The following SYF2 variants were observed in gnomAD, a reference collection of about 807,000 sequenced individuals.
The protein encoded by SYF2 is SYF2 pre-mRNA splicing factor, also known as pre-mRNA-splicing factor SYF2.
A neutral mutation model predicts 32.7 loss-of-function variants in SYF2; 21 were observed. The observed-to-expected ratio is 0.64, with a 90% confidence interval of 0.45 to 0.92. The LOEUF (loss-of-function observed/expected upper bound fraction) is 0.92. SYF2 is among the 40% of genes least tolerant of loss of function. SYF2 has a pLI of 0.00. For synonymous variants in SYF2, 114 were observed against 103.9 expected (o/e 1.10, Z -0.59); for missense variants, 278 against 296.5 (o/e 0.94, Z 0.46).
chr1:25,229,747 CCTGGG>C (rs1557471296), intron 2 of SYF2, among the ~76,000 whole-genome samples: 16 of 151,364 alleles, frequency 1.1e-4, no homozygotes, highest in African/African-American at 3.9e-4. Flanking sequence ...TGCACTACAG[CCTGGG>C]TGACAGAGCG....
chr1:25,229,077 T>C lies in SYF2; in HGVS notation c.179A>G (p.Lys60Arg). ...CCAATTTGCAGGTAATTTTAGTCTT[T>C]TATCTTCTTCCACAACTTCCTGGTG... ...LNHQEVVEED[K>R]RLKLPANWEA... Residue 60 changes from lysine (K) to arginine (R), a missense_variant, in exon 3 of 7, where the codon AAA becomes AGA. By Grantham distance (26) the Lys-to-Arg change is conservative. Transcript: ENST00000236273. 1 of 1,614,104 alleles carries C rather than the reference T, an allele frequency of 6.2e-7. No individual in the cohort carries two copies. Among genetic ancestry groups the C allele is most frequent in the Non-Finnish European group, 8.5e-7 (1 of 1,179,996 alleles).
At chr1:25,227,404 A>C in intron 5 of SYF2, 38 bp downstream of exon 5, 1 of 1,526,320 alleles carries the variant, frequency 6.6e-7, no homozygotes, top group Non-Finnish European at 9.1e-7. Context: ...CACACACACA[A>C]ATACATCCAC....
chr1:25,225,276 C>A (rs1444473107), intron 5 of SYF2, among the ~76,000 whole-genome samples, 176 bp from the exon 6 acceptor site: 1 of 151,948 alleles, frequency 6.6e-6, no homozygotes, highest in East Asian at 1.9e-4. Flanking sequence ...ATCTGTAATC[C>A]CAGCACTTTG....
At chr1:25,225,533 A>G (rs931958131) in intron 5 of SYF2, among the ~76,000 whole-genome samples, 2 of 150,940 alleles carry the variant, frequency 1.3e-5, no homozygotes, top group African/African-American at 4.9e-5. Context: ...GTCTCAAAAA[A>G]AAAAATTTTT....
Position 25,224,533 on chromosome 1 carries a change from T to C in SYF2, c.566+469A>G, listed in dbSNP as rs553650554. 5.3e-5 allele frequency among the ~76,000 whole-genome samples: 8 copies of C among 152,240 alleles called. No individual in the cohort carries two copies. In the East Asian group the frequency reaches 1.2e-3, roughly 22 times the overall value. The stretch of plus-strand genomic sequence containing the variant: ...TCAGCCTCCCAAAGTGCTAGGATTA[T>C]AGGCAGGAGCCACCACGCCCAGCCC... On this transcript the variant is annotated intron_variant, in intron 6 of 6. Coordinates refer to ENST00000236273, the MANE Select transcript of SYF2 (RefSeq NM_015484.5).
chr1:25,225,419 T>C (rs890410125), intron 5 of SYF2, among the ~76,000 whole-genome samples: 11 of 151,878 alleles, frequency 7.2e-5, no homozygotes, highest in African/African-American at 2.7e-4. Flanking sequence ...TCCCAGCTAC[T>C]TGGGAGGCTG....
At chr1:25,229,997 T>G (rs1638595650) in intron 2 of SYF2, among the ~76,000 whole-genome samples, 1 of 152,140 alleles carries the variant, frequency 6.6e-6, no homozygotes, top group African/African-American at 2.4e-5. Context: ...TTTTGTATTT[T>G]TGGTAGAAAC....
At chr1:25,230,562 A>G (rs1638606408) in intron 2 of SYF2, 1 of 152,166 alleles carries the variant, frequency 6.6e-6, no homozygotes, top group African/African-American at 2.4e-5. Flanking sequence ...ACTCCTCCCA[A>G]CTACCATCCC....
At chr1:25,228,723 G>A (rs1638567637) in intron 3 of SYF2, among the ~76,000 whole-genome samples, 1 of 152,230 alleles carries the variant, frequency 6.6e-6, no homozygotes, top group Non-Finnish European at 1.5e-5. Flanking sequence ...TCAGGTGTCA[G>A]ACCTTGTTTT....
chr1:25,222,656 T>C lies in SYF2; in HGVS notation c.*610A>G, dbSNP rs182984540. ...ACAAATGTATATATACAAATGTTTGTTTTAAATGATAGACTAAAAATGTTA... is the reference window on the plus strand; with the variant it reads ...ACAAATGTATATATACAAATGTTTGCTTTAAATGATAGACTAAAAATGTTA... On this transcript the variant is annotated 3_prime_UTR_variant, in exon 7 of 7. Transcript: ENST00000236273. 6.6e-6 allele frequency: 1 copy of C among 152,194 alleles called. No homozygotes were observed. Among genetic ancestry groups the C allele is most frequent in the Non-Finnish European group, 1.5e-5 (1 of 68,040 alleles). The allele number at this position is 152,194 out of a possible 1,614,324, so 9.4% of individuals were successfully genotyped here. A position where few individuals can be genotyped will look rare whatever the true frequency, so the allele number is the denominator to read the frequency against.
chr1:25,225,184 GA>G (rs1638482263), intron 5 of SYF2, 84 bp from the exon 6 acceptor site: 1 of 881,268 alleles, frequency 1.1e-6, no homozygotes, highest in Admixed American at 1.8e-5. Context: ...TACATGATAA[GA>G]AAGTATACAC....
chr1:25,225,112 G>C lies in SYF2; in HGVS notation c.468-12C>G, dbSNP rs753598345. 4 of 1,582,710 alleles carry C rather than the reference G, an allele frequency of 2.5e-6. No individual in the cohort carries two copies. Among genetic ancestry groups the C allele is most frequent in the Non-Finnish European group, 3.5e-6 (4 of 1,151,498 alleles). On this transcript the variant is annotated splice_polypyrimidine_tract_variant and intron_variant, in intron 5 of 6. Coordinates refer to ENST00000236273, the MANE Select transcript of SYF2 (RefSeq NM_015484.5). ...AAAACTCTTCTCCACTGAAAAGGCA[G>C]CAAAATGAACTTACAGTAACACTAT...
intron 4 of SYF2, 71 bp downstream of exon 4, chr1:25,228,047 C>T: frequency 7.5e-7 from 1 of 1,329,190 alleles, no homozygotes; most frequent in Non-Finnish European, 1.1e-6. Flanking sequence ...CACATCCTTT[C>T]TTGAAACCAG....
At chr1:25,224,970 TACA>T in intron 6 of SYF2, 29 bp downstream of exon 6, 2 of 1,469,736 alleles carry the variant, frequency 1.4e-6, no homozygotes, top group Non-Finnish European at 1.9e-6. Flanking sequence ...ATGAAGTATT[TACA>T]ACGTCAAGCT....
At chr1:25,223,515 A>C in intron 6 of SYF2, 84 bp from the exon 7 acceptor site, 2 of 1,398,064 alleles carry the variant, frequency 1.4e-6, no homozygotes, top group Non-Finnish European at 2.0e-6. Flanking sequence ...GAATATAATC[A>C]CGTTTAGAAT....
At chr1:25,224,006 C>A (rs1227115595) in intron 6 of SYF2, among the ~76,000 whole-genome samples, 1 of 152,110 alleles carries the variant, frequency 6.6e-6, no homozygotes, top group Non-Finnish European at 1.5e-5. Context: ...CCAGCCTGGT[C>A]AACATGACGA....
chr1:25,227,824 T>G (rs953824029), intron 4 of SYF2, among the ~76,000 whole-genome samples: 7 of 152,224 alleles, frequency 4.6e-5, no homozygotes, highest in Non-Finnish European at 1.0e-4. Context: ...ATACTCAATC[T>G]GTGTGAAGTA....
At chr1:25,223,533 G>T in intron 6 of SYF2, 102 bp from the exon 7 acceptor site, 1 of 1,176,102 alleles carries the variant, frequency 8.5e-7, no homozygotes, top group Non-Finnish European at 1.2e-6. Flanking sequence ...AATAGCACAT[G>T]TTGTGAGGGC....
At chr1:25,227,683 T>C in intron 4 of SYF2, 151 bp from the exon 5 acceptor site, 1 of 672,142 alleles carries the variant, frequency 1.5e-6, no homozygotes, top group Non-Finnish European at 2.4e-6. Context: ...TTTTGGAATA[T>C]CTTTATTATA....
Sources: gnomAD v4.1 joint callset for allele counts (sites outside exome capture counted in the v4.1 genomes callset) on GRCh38, gnomAD v4.1.1 for gene constraint, MANE v1.5 for transcripts, NCBI Gene and HGNC (gene_info 2026-07-23, HGNC 2026-07-21) for gene names.